HDAC9: variants seen among roughly 807,000 people sequenced by gnomAD.
HDAC9 encodes the protein histone deacetylase 9.
A neutral mutation model predicts 139.4 loss-of-function variants in HDAC9; 41 were observed. That is an observed-to-expected ratio of 0.29 (90% CI 0.23 to 0.38). The LOEUF (loss-of-function observed/expected upper bound fraction) is 0.38. Ranked by LOEUF, HDAC9 falls within the 10% of genes least tolerant of loss-of-function variation. The probability of loss-of-function intolerance (pLI) is 1.00; values close to 1 mark genes in which losing one functional copy is unlikely to be tolerated. For synonymous variants in HDAC9, 517 were observed against 476.2 expected (o/e 1.09, Z -1.12); for missense variants, 1,147 against 1,297.0 (o/e 0.88, Z 1.78).
intron 1 of HDAC9, among the ~76,000 whole-genome samples, chr7:18,474,669 C>T (rs1222610609): frequency 1.3e-5 from 2 of 152,020 alleles, no homozygotes; most frequent in African/African-American, 4.8e-5. Flanking sequence ...GATTCATATT[C>T]TATGGTTTCA....
intron 21 of HDAC9, among the ~76,000 whole-genome samples, chr7:18,848,839 A>G (rs994522812): frequency 2.0e-5 from 3 of 152,240 alleles, no homozygotes; most frequent in Non-Finnish European, 2.9e-5. Context: ...TCTCAACAAT[A>G]AAGAATATCC....
intron 11 of HDAC9, among the ~76,000 whole-genome samples, chr7:18,662,354 G>T (rs1584741292): frequency 6.7e-6 from 1 of 148,694 alleles, no homozygotes; most frequent in African/African-American, 2.5e-5. Context: ...AATGAAGACA[G>T]TGAAGAGCGA....
intron 1 of HDAC9, among the ~76,000 whole-genome samples, chr7:18,405,102 G>A (rs1464518631): frequency 3.3e-5 from 5 of 152,222 alleles, no homozygotes; most frequent in Non-Finnish European, 7.3e-5. Context: ...AAGGGAGCAT[G>A]CGCAAACTCC....
chr7:18,962,049 G>A (rs1225494030), intron 24 of HDAC9, among the ~76,000 whole-genome samples: 5 of 152,316 alleles, frequency 3.3e-5, no homozygotes, highest in Admixed American at 2.6e-4. Flanking sequence ...GAAGCTCAGT[G>A]CCAAAGTACA....
At chr7:18,127,307 G>A (rs1277259518) in intron 1 of HDAC9, 1 of 170,188 alleles carries the variant, frequency 5.9e-6, no homozygotes, top group Admixed American at 6.6e-5. Context: ...CAAATTATTT[G>A]TTGCTTATCT....
At chr7:18,920,619 T>A (rs1282877385) in intron 22 of HDAC9, among the ~76,000 whole-genome samples, 1 of 152,150 alleles carries the variant, frequency 6.6e-6, no homozygotes, top group Non-Finnish European at 1.5e-5. Context: ...AGTAAGATAT[T>A]GGCTGTGGGT....
In HDAC9 at chr7:18,489,305, A is replaced by G. The variant is rs139002835; in HGVS notation, c.-41-6957A>G. 3.1e-3 allele frequency among the ~76,000 whole-genome samples: 466 copies of G among 152,190 alleles called. 5 individuals carry two copies. The highest frequency in any genetic ancestry group is 0.01 in the African/African-American group (436 of 41,560). On this transcript the variant is annotated intron_variant, in intron 1 of 3. Transcript: ENST00000413509. Reference sequence around the variant, plus strand: ...AATTATATAACTTTCTTTAGAATTTATACAGTTTCTTAGAAAAACAAATGA... The same window carrying G: ...AATTATATAACTTTCTTTAGAATTTGTACAGTTTCTTAGAAAAACAAATGA...
At chr7:18,738,959 C>CT (rs1166057918) in intron 13 of HDAC9, among the ~76,000 whole-genome samples, 1 of 152,128 alleles carries the variant, frequency 6.6e-6, no homozygotes, top group African/African-American at 2.4e-5. Context: ...TTGTTCATTT[C>CT]TTTTTACTCT....
intron 2 of HDAC9, among the ~76,000 whole-genome samples, chr7:18,499,557 G>A (rs1341023348): frequency 1.3e-5 from 2 of 152,116 alleles, no homozygotes; most frequent in East Asian, 1.9e-4. Flanking sequence ...AGTGAAGCAT[G>A]TACAAATATT....
At position 18,848,801 on chromosome 7, in the gene HDAC9, C is replaced by T. The variant is rs572940726; in HGVS notation, c.2684+12804C>T. Among the ~76,000 whole-genome samples, 25 of 152,132 alleles carry T rather than the reference C, an allele frequency of 1.6e-4. 1 individual carries two copies. The South Asian group carries it at 5.0e-3, about 30-fold the overall frequency. ...CTTCCAAACCATATTTTGCTAAACACTGGATACAAGAAATGTTAATAAGTG... is the reference window on the plus strand; with the variant it reads ...CTTCCAAACCATATTTTGCTAAACATTGGATACAAGAAATGTTAATAAGTG... On this transcript the variant is annotated intron_variant, in intron 21 of 25. Coordinates refer to ENST00000686413, the MANE Select transcript of HDAC9 (RefSeq NM_178425.4).
intron 1 of HDAC9, among the ~76,000 whole-genome samples, chr7:18,435,438 G>T (rs922052572): frequency 6.6e-6 from 1 of 152,022 alleles, no homozygotes; most frequent in African/African-American, 2.4e-5. Context: ...TGGCTATATA[G>T]ACTATGGTAA....
chr7:18,936,854 C>T (rs1781670391), intron 23 of HDAC9, among the ~76,000 whole-genome samples: 2 of 151,860 alleles, frequency 1.3e-5, no homozygotes, highest in Non-Finnish European at 2.9e-5. Flanking sequence ...ACAAAATGTA[C>T]CTTTTCTTCT....
chr7:18,497,183 T>C (rs567452159), intron 2 of HDAC9, among the ~76,000 whole-genome samples: 1 of 152,254 alleles, frequency 6.6e-6, no homozygotes, highest in African/African-American at 2.4e-5. Context: ...TCCTAAAGCT[T>C]TGGGAACTCT....
chr7:18,437,039 CTG>C (rs1406619469), intron 1 of HDAC9, among the ~76,000 whole-genome samples: 5 of 152,100 alleles, frequency 3.3e-5, no homozygotes, highest in Non-Finnish European at 7.3e-5. Flanking sequence ...AATTAAAACT[CTG>C]TAAATTTCCT....
intron 22 of HDAC9, among the ~76,000 whole-genome samples, chr7:18,883,836 A>G (rs184689019): frequency 2.6e-5 from 4 of 152,276 alleles, no homozygotes; most frequent in African/African-American, 9.6e-5. Context: ...AATTAAATAC[A>G]GTAAACTTGC....
chr7:18,988,813 T>G (rs918363099), intron 25 of HDAC9, among the ~76,000 whole-genome samples: 5 of 151,882 alleles, frequency 3.3e-5, no homozygotes, highest in African/African-American at 1.2e-4. Context: ...TTTACCATTA[T>G]GTAATGGCCT....
intron 1 of HDAC9, among the ~76,000 whole-genome samples, chr7:18,142,833 C>A (rs1461383889): frequency 6.6e-6 from 1 of 152,286 alleles, no homozygotes; most frequent in East Asian, 1.9e-4. Flanking sequence ...CAACTTCTGC[C>A]TCCTCCTCTC....
intron 1 of HDAC9, among the ~76,000 whole-genome samples, chr7:18,395,699 G>A (rs998510118): frequency 6.6e-6 from 1 of 152,012 alleles, no homozygotes; most frequent in Admixed American, 6.6e-5. Flanking sequence ...ACTTGACATT[G>A]CCAAGACATA....
rs181117719 is a variant in HDAC9 at position 18,609,301 on chromosome 7, G to A, written c.664+15272G>A. Among the ~76,000 whole-genome samples, 3 of 152,256 alleles carry A rather than the reference G, an allele frequency of 2.0e-5. No homozygotes were observed. In the East Asian group the frequency reaches 5.8e-4, roughly 29 times the overall value. ...TTGAAATGTGGCTAGTATGACTTAG[G>A]AGCTAAATTTTTGTTAACTAATGTA... is the stretch of plus-strand genomic sequence containing the variant. On this transcript the variant is annotated intron_variant, in intron 6 of 25. Transcript: ENST00000686413.
Sources: gnomAD v4.1 joint callset for allele counts (sites outside exome capture counted in the v4.1 genomes callset) on GRCh38, gnomAD v4.1.1 for gene constraint, MANE v1.5 for transcripts, NCBI Gene and HGNC (gene_info 2026-07-23, HGNC 2026-07-21) for gene names.